The following AGMO variants were observed in gnomAD, a reference collection of about 807,000 sequenced individuals.
AGMO encodes the protein glyceryl-ether monooxygenase.
AGMO carries 75 observed loss-of-function variants against 60.2 expected under a neutral mutation model. The ratio of observed to expected loss-of-function variants is 1.25; its 90% CI spans 1.03 to 1.51. The LOEUF is 1.51. AGMO is among the 40% of genes most tolerant of loss of function. AGMO has a pLI of 0.00. For synonymous variants in AGMO, 261 were observed against 177.1 expected, an observed-to-expected ratio of 1.47 and a Z score of -3.76; for missense variants, 763 against 525.5, an observed-to-expected ratio of 1.45 and a Z score of -4.42.
chr7:15,191,868 T>C, the AGMO span, among the ~76,000 whole-genome samples: 1 of 152,034 alleles, frequency 6.6e-6, no homozygotes, highest in African/African-American at 2.4e-5. Flanking sequence ...TTTTCCTCTC[T>C]CTAGCATATT....
the AGMO span, among the ~76,000 whole-genome samples, chr7:15,151,854 T>C: frequency 3.3e-5 from 5 of 152,154 alleles, no homozygotes; most frequent in Non-Finnish European, 5.9e-5. Context: ...GTCCCTAACA[T>C]ATCTGTTAGT....
At chr7:15,405,687 CG>C (rs1292841147) in intron 5 of AGMO, among the ~76,000 whole-genome samples, 2 of 151,824 alleles carry the variant, frequency 1.3e-5, no homozygotes, top group East Asian at 3.9e-4. Context: ...CATTAATCCA[CG>C]TAACACTCTT....
At chr7:15,252,410 T>C (rs1284247068) in intron 12 of AGMO, among the ~76,000 whole-genome samples, 1 of 152,220 alleles carries the variant, frequency 6.6e-6, no homozygotes, top group African/African-American at 2.4e-5. Context: ...TGGCAAAGGC[T>C]GCAGGATGTC....
the AGMO span, among the ~76,000 whole-genome samples, chr7:15,145,530 A>C: frequency 2.6e-5 from 4 of 152,190 alleles, no homozygotes; most frequent in Non-Finnish European, 5.9e-5. Context: ...TCAAGATATT[A>C]ATGATGACTA....
chr7:15,184,838 GA>G, the AGMO span, among the ~76,000 whole-genome samples: 1 of 74,354 alleles, frequency 1.3e-5, no homozygotes, highest in Non-Finnish European at 2.7e-5. Context: ...AGGAATGAAG[GA>G]AAGAAGGGAA....
chr7:15,524,086 ATAAT>A (rs1349826482), intron 3 of AGMO, among the ~76,000 whole-genome samples: 1 of 152,058 alleles, frequency 6.6e-6, no homozygotes, highest in Non-Finnish European at 1.5e-5. Context: ...GACATAGCAA[ATAAT>A]TAATATATAC....
intron 12 of AGMO, among the ~76,000 whole-genome samples, chr7:15,227,660 T>G (rs1782127510): frequency 6.6e-6 from 1 of 152,034 alleles, no homozygotes; most frequent in Non-Finnish European, 1.5e-5. Context: ...CCACTGCATG[T>G]TTCACGGTAA....
chr7:15,387,542 T>G lies in AGMO; in HGVS notation c.823-2A>C. ...CCATATGGAAAATAAGTGATGGAAC[T>G]AGAAACAATAAAAAAAGAGCTTATT... On this transcript the variant is annotated splice_acceptor_variant, in intron 8 of 12. Coordinates refer to ENST00000342526, the MANE Select transcript of AGMO (RefSeq NM_001004320.2). LOFTEE classifies it high-confidence loss of function. The G allele has an allele frequency of 1.9e-6, 3 of 1,589,128 alleles. No homozygotes were observed. The highest frequency in any genetic ancestry group is 2.6e-6 in the Non-Finnish European group (3 of 1,174,544).
At chr7:15,243,343 C>T (rs1038217524) in intron 12 of AGMO, among the ~76,000 whole-genome samples, 44 of 151,892 alleles carry the variant, frequency 2.9e-4, no homozygotes, top group Non-Finnish European at 4.4e-4. Flanking sequence ...AAAGAGCATC[C>T]GGTTAAAATT....
chr7:15,367,660 G>A (rs1196199833), intron 10 of AGMO, among the ~76,000 whole-genome samples: 4 of 152,076 alleles, frequency 2.6e-5, no homozygotes, highest in Non-Finnish European at 5.9e-5. Context: ...AAAGTTTAGA[G>A]CCAGGTGAAT....
chr7:15,136,863 AC>A, the AGMO span, among the ~76,000 whole-genome samples: 1 of 151,656 alleles, frequency 6.6e-6, no homozygotes, highest in African/African-American at 2.4e-5. Context: ...GGGATGGTTT[AC>A]CTTCTAGATG....
Position 15,537,007 on chromosome 7 carries a change from G to C in AGMO, c.409+7765C>G, listed in dbSNP as rs566423650. Reference sequence around the variant, plus strand: ...AAAGAGACTTCCAAATTCTTTTTCTGAATAAAATTACTTGGGACAAAATCT... The same window carrying C: ...AAAGAGACTTCCAAATTCTTTTTCTCAATAAAATTACTTGGGACAAAATCT... On this transcript the variant is annotated intron_variant, in intron 3 of 12. Transcript: ENST00000342526. Among the ~76,000 whole-genome samples, 15 of 151,952 alleles carry C rather than the reference G, an allele frequency of 9.9e-5. No individual in the cohort carries two copies. The South Asian group carries it at 3.1e-3, about 32-fold the overall frequency.
the AGMO span, among the ~76,000 whole-genome samples, chr7:15,163,671 C>G: frequency 6.6e-6 from 1 of 151,986 alleles, no homozygotes; most frequent in Non-Finnish European, 1.5e-5. Context: ...GGATAACAAT[C>G]CCTTGATCAT....
chr7:15,201,360 C>A lies in AGMO; in HGVS notation c.1264-1G>T, dbSNP rs1479442685. The A allele has an allele frequency of 6.2e-7, 1 of 1,609,506 alleles. No homozygotes were observed. The highest frequency in any genetic ancestry group is 8.5e-7 in the Non-Finnish European group (1 of 1,177,370). The stretch of plus-strand genomic sequence containing the variant: ...AAGCAATGCAAATGGAAAAAACAAT[C>A]TGAAGAAATAAAACACAAAGAGAAA... On this transcript the variant is annotated splice_acceptor_variant, in intron 12 of 12. Coordinates refer to ENST00000342526, the MANE Select transcript of AGMO (RefSeq NM_001004320.2). LOFTEE classifies it high-confidence loss of function.
intron 3 of AGMO, among the ~76,000 whole-genome samples, chr7:15,520,487 TAACA>T (rs1221440509): frequency 5.3e-5 from 8 of 152,124 alleles, no homozygotes; most frequent in East Asian, 1.9e-4. Context: ...ATGGAAATCA[TAACA>T]AACAGTCTCT....
rs573662873 is a variant in AGMO at position 15,514,364 on chromosome 7, T to C, written c.409+30408A>G. On this transcript the variant is annotated intron_variant, in intron 3 of 12. Transcript: ENST00000342526. ...ACCACATACTTGTTATATATGTGAA[T>C]GATAATAATTAAAACAATGACCGTA... Among the ~76,000 whole-genome samples the C allele has an allele frequency of 2.1e-3, 326 of 152,276 alleles. 1 individual carries two copies. Among genetic ancestry groups the C allele is most frequent in the Non-Finnish European group, 3.8e-3 (258 of 68,028 alleles).
chr7:15,385,189 A>C (rs1783864017), intron 10 of AGMO, among the ~76,000 whole-genome samples: 1 of 152,194 alleles, frequency 6.6e-6, no homozygotes, highest in South Asian at 2.1e-4. Context: ...TATGGCAAAT[A>C]ATTTCTTATT....
intron 12 of AGMO, among the ~76,000 whole-genome samples, chr7:15,281,334 T>C (rs1009362758): frequency 3.9e-5 from 6 of 152,172 alleles, no homozygotes; most frequent in South Asian, 2.1e-4. Flanking sequence ...CCATGGGAGC[T>C]TGGCATGGGT....
chr7:15,395,346 T>C (rs1447939820), intron 5 of AGMO, among the ~76,000 whole-genome samples: 2 of 152,050 alleles, frequency 1.3e-5, no homozygotes, highest in East Asian at 1.9e-4. Context: ...CTGCTTAAAA[T>C]TAAAAAAAAT....
Sources: gnomAD v4.1 joint callset for allele counts (sites outside exome capture counted in the v4.1 genomes callset) on GRCh38, gnomAD v4.1.1 for gene constraint, MANE v1.5 for transcripts, NCBI Gene and HGNC (gene_info 2026-07-23, HGNC 2026-07-21) for gene names.